Variants in HELQ observed in about 807,000 individuals in gnomAD.
HELQ encodes helicase POLQ-like.
Under a neutral mutation model 111.6 loss-of-function variants are expected in HELQ, and 77 were observed. The ratio of observed to expected loss-of-function variants is 0.69; its 90% CI spans 0.57 to 0.83. The LOEUF (loss-of-function observed/expected upper bound fraction) is 0.83, where lower values mean the gene tolerates loss of function less well. Among genes scored for constraint, HELQ ranks in the 40% least tolerant of loss-of-function variants. HELQ has a pLI of 0.00. For missense variants in HELQ, 1,200 were observed against 1,288.5 expected (o/e 0.93, Z 1.05); for synonymous variants, 438 against 454.7 (o/e 0.96, Z 0.47).
intron 15 of HELQ, among the ~76,000 whole-genome samples, chr4:83,419,065 G>T (rs1380600651): frequency 1.3e-5 from 2 of 151,794 alleles, no homozygotes; most frequent in Non-Finnish European, 2.9e-5. Flanking sequence ...CTTAAAACAA[G>T]CTTGTCCAAC....
rs753639588 is a variant in HELQ at position 83,426,110 on chromosome 4, A to T, written c.2677-18T>A. 5.4e-6 allele frequency: 7 copies of T among 1,295,558 alleles called. No individual in the cohort carries two copies. The highest frequency in any genetic ancestry group is 6.7e-6 in the Non-Finnish European group (6 of 901,504). The allele number at this position is 1,295,558 out of a possible 1,614,324, so 80.3% of individuals were successfully genotyped here. On this transcript the variant is annotated intron_variant, in intron 13 of 17. Coordinates refer to ENST00000295488, the MANE Select transcript of HELQ (RefSeq NM_133636.5). ...TGGCTAAACTACATGGAAAAAGAGC[A>T]AATAGATGGAAACATCAAAAAATCT...
intron 2 of HELQ, among the ~76,000 whole-genome samples, chr4:83,449,938 T>G (rs971876337): frequency 6.6e-6 from 1 of 150,388 alleles, no homozygotes; most frequent in Admixed American, 6.6e-5. Context: ...GCCATTTTCA[T>G]GTACGGTTGT....
intron 1 of HELQ, among the ~76,000 whole-genome samples, chr4:83,454,646 C>A (rs377230265): frequency 6.7e-6 from 1 of 149,996 alleles, no homozygotes; most frequent in African/African-American, 2.5e-5. Context: ...GTTTTGAACG[C>A]GAACTTCTGG....
At chr4:83,445,866 A>C (rs942783839) in intron 5 of HELQ, 148 bp downstream of exon 5, 19 of 578,284 alleles carry the variant, frequency 3.3e-5, no homozygotes, top group Admixed American at 6.6e-5. Context: ...TTACCTTCAA[A>C]ATTCTATTCA....
intron 8 of HELQ, 117 bp downstream of exon 8, chr4:83,439,746 A>G: frequency 1.4e-6 from 1 of 706,400 alleles, no homozygotes; most frequent in Non-Finnish European, 2.3e-6. Context: ...TCAGTATACT[A>G]AAACAACTTA....
intron 17 of HELQ, among the ~76,000 whole-genome samples, chr4:83,412,726 A>T (rs534924218): frequency 6.6e-6 from 1 of 152,276 alleles, no homozygotes; most frequent in Non-Finnish European, 1.5e-5. Flanking sequence ...CATGAGGCTG[A>T]GATGGGAGAA....
At chr4:83,407,716 C>T (rs534005625) in intron 17 of HELQ, among the ~76,000 whole-genome samples, 156 bp from the exon 18 acceptor site, 12 of 152,182 alleles carry the variant, frequency 7.9e-5, no homozygotes, top group African/African-American at 2.4e-4. Flanking sequence ...TAAGAATAAA[C>T]GATTATAGTC....
chr4:83,432,340 A>G, intron 9 of HELQ, 73 bp from the exon 10 acceptor site: 1 of 1,096,100 alleles, frequency 9.1e-7, no homozygotes, highest in Non-Finnish European at 1.2e-6. Context: ...TTCATTATAT[A>G]TTTGTGATAT....
In HELQ at chr4:83,417,206, CTTTT is replaced by C. The variant is rs1176553232; in HGVS notation, c.3064-345_3064-342del. On this transcript the variant is annotated intron_variant, in intron 16 of 17. Coordinates refer to ENST00000295488, the MANE Select transcript of HELQ (RefSeq NM_133636.5). ...TTCTTTCTTCTTTTTCTTTTCTTTT[CTTTT>C]TTTTTTTTTTGAGAAAGAGTCTTGC... 1.1e-4 allele frequency among the ~76,000 whole-genome samples: 15 copies of C among 139,876 alleles called. No individual in the cohort carries two copies. In the Admixed American group the frequency reaches 1.1e-3, roughly 10 times the overall value. 91.8% of individuals were successfully genotyped at this position (139,876 alleles called of 152,430 possible).
chr4:83,426,225 G>T, intron 13 of HELQ, 133 bp from the exon 14 acceptor site: 2 of 591,078 alleles, frequency 3.4e-6, no homozygotes, highest in East Asian at 2.8e-5. Flanking sequence ...TGTAAATGTT[G>T]CAGGTTTTAA....
Position 83,441,844 on chromosome 4 carries a change from G to T in HELQ, c.1564-441C>A, listed in dbSNP as rs1303871711. On this transcript the variant is annotated intron_variant, in intron 6 of 17. Transcript: ENST00000295488. The stretch of plus-strand genomic sequence containing the variant: ...CTTGGAGTGCAGTAGCATGATCACA[G>T]CCCACTGCAGCCTCAACCTCCAGGG... Among the ~76,000 whole-genome samples, 4 of 146,086 alleles carry T rather than the reference G, an allele frequency of 2.7e-5. No individual in the cohort carries two copies. In the East Asian group the frequency reaches 8.2e-4, roughly 30 times the overall value.
chr4:83,431,762 C>A lies in HELQ; in HGVS notation c.2197G>T (p.Glu733Ter). ...TTTTCCAATGGTTTAGTTATTAACTCCAATACCTATAAAGGTTAAAGCAAA... is the reference window on the plus strand; with the variant it reads ...TTTTCCAATGGTTTAGTTATTAACTACAATACCTATAAAGGTTAAAGCAAA... ...LQEKDKQQVL[E>*]LITKPLENCY... Residue 733 changes from glutamate to a stop codon, truncating the protein, a stop_gained, in exon 11 of 18, where the codon GAG (glutamate) becomes TAG (stop). Coordinates refer to ENST00000295488, the MANE Select transcript of HELQ (RefSeq NM_133636.5). LOFTEE classifies it high-confidence loss of function. 6.9e-7 allele frequency: 1 copy of A among 1,441,030 alleles called. No individual in the cohort carries two copies. Among genetic ancestry groups the A allele is most frequent in the South Asian group, 1.4e-5 (1 of 69,424 alleles). 89.3% of individuals were successfully genotyped at this position (1,441,030 alleles called of 1,614,324 possible).
At chr4:83,408,249 C>T (rs373324710) in intron 17 of HELQ, among the ~76,000 whole-genome samples, 1 of 152,028 alleles carries the variant, frequency 6.6e-6, no homozygotes, top group African/African-American at 2.4e-5. Flanking sequence ...CCGCTCCCCC[C>T]CACCCGCCTT....
rs574013515 is a variant in HELQ at position 83,437,576 on chromosome 4, G to C, written c.1809-479C>G. The stretch of plus-strand genomic sequence containing the variant: ...GTTGCAATGAGCTATGAACCTACCA[G>C]CCTGGGTGAAAGAGCAAAGCCTTGT... On this transcript the variant is annotated intron_variant, in intron 8 of 17. Transcript: ENST00000295488. Among the ~76,000 whole-genome samples the C allele has an allele frequency of 2.1e-4, 29 of 139,748 alleles. No homozygotes were observed. In the South Asian group the frequency reaches 2.4e-3, roughly 12 times the overall value. The allele number at this position is 139,748 out of a possible 152,430, so 91.7% of individuals were successfully genotyped here.
rs541966295 is a variant in HELQ at position 83,427,154 on chromosome 4, T to C, written c.2676+409A>G. 3.9e-5 allele frequency among the ~76,000 whole-genome samples: 6 copies of C among 152,294 alleles called. No homozygotes were observed. In the East Asian group the frequency reaches 5.8e-4, roughly 15 times the overall value. ...ATAACAGTAACTTTCTGTGGGGAAA[T>C]AGGACCACGGATAATCTTTTTTTCT... On this transcript the variant is annotated intron_variant, in intron 13 of 17. Transcript: ENST00000295488.
In HELQ at chr4:83,426,257, CAAGG is replaced by C. The variant is rs575811365; in HGVS notation, c.2677-169_2677-166del. On this transcript the variant is annotated intron_variant, in intron 13 of 17. Coordinates refer to ENST00000295488, the MANE Select transcript of HELQ (RefSeq NM_133636.5). ...TTAAAGTTACATCATTAGGATATAA[CAAGG>C]ATATAACACACTTTAGAATTACTTA... Among the ~76,000 whole-genome samples, 55 of 152,152 alleles carry C rather than the reference CAAGG, an allele frequency of 3.6e-4. No homozygotes were observed. In the South Asian group the frequency reaches 0.011, roughly 30 times the overall value.
chr4:83,435,312 G>A (rs988725340), intron 9 of HELQ, among the ~76,000 whole-genome samples: 7 of 152,188 alleles, frequency 4.6e-5, no homozygotes, highest in Admixed American at 2.0e-4. Context: ...AAATTGGGAG[G>A]TTAAAGAGAA....
At chr4:83,410,613 T>C (rs1739035102) in intron 17 of HELQ, among the ~76,000 whole-genome samples, 1 of 152,184 alleles carries the variant, frequency 6.6e-6, no homozygotes, top group African/African-American at 2.4e-5. Context: ...GCAAGTCCTG[T>C]ATGGGATTAG....
intron 7 of HELQ, 83 bp downstream of exon 7, chr4:83,441,222 A>C: frequency 1.3e-6 from 1 of 756,776 alleles, no homozygotes; most frequent in Non-Finnish European, 2.3e-6. Flanking sequence ...AATCTAGACT[A>C]TTCTACGGAA....
Sources: allele counts gnomAD v4.1 joint callset (sites outside exome capture counted in the v4.1 genomes callset), GRCh38; gene constraint gnomAD v4.1.1; transcripts MANE v1.5; gene names NCBI Gene and HGNC (gene_info 2026-07-23, HGNC 2026-07-21).